The following HTR2A variants were observed in gnomAD, a reference collection of about 807,000 sequenced individuals.
HTR2A encodes the protein 5-hydroxytryptamine receptor 2A.
HTR2A carries 14 observed loss-of-function variants against 31.0 expected under a neutral mutation model. That is an observed-to-expected ratio of 0.45 (90% CI 0.30 to 0.71). The LOEUF is 0.71. HTR2A is among the 30% of genes least tolerant of loss of function. The probability of loss-of-function intolerance (pLI) is 0.09; values close to 1 mark genes in which losing one functional copy is unlikely to be tolerated. For missense variants in HTR2A, 442 were observed against 573.3 expected, an observed-to-expected ratio of 0.77 and a Z score of 2.34; for synonymous variants, 209 against 225.2, an observed-to-expected ratio of 0.93 and a Z score of 0.64.
chr13:46,872,678 G>C (rs1275979939), intron 3 of HTR2A, among the ~76,000 whole-genome samples: 1 of 152,156 alleles, frequency 6.6e-6, no homozygotes, highest in Non-Finnish European at 1.5e-5. Context: ...GTCTCTGTTA[G>C]TTTAATACCT....
chr13:46,864,081 G>A (rs111685345), intron 3 of HTR2A, among the ~76,000 whole-genome samples: 13,076 of 152,148 alleles, frequency 0.086, 832 homozygotes, highest in African/African-American at 0.19. Flanking sequence ...AGAATACTAT[G>A]CAGTCATAAA....
intron 3 of HTR2A, among the ~76,000 whole-genome samples, chr13:46,881,626 C>A (rs1713895675): frequency 6.6e-6 from 1 of 152,210 alleles, no homozygotes; most frequent in African/African-American, 2.4e-5. Flanking sequence ...ACCATATGAT[C>A]TCCCAGAAGT....
rs1876338769 is a variant in HTR2A, at chr13:46,833,874, G to A, written c.*963C>T. On this transcript the variant is annotated 3_prime_UTR_variant, in exon 4 of 4. Transcript: ENST00000542664. ...AAAGTCACCTGCTTTTTACAGAGAT[G>A]TCCTAGGACTCTACCACTGTCAGTA... The A allele has an allele frequency of 6.6e-6, 1 of 152,134 alleles. No homozygotes were observed. The highest frequency in any genetic ancestry group is 2.4e-5 in the African/African-American group (1 of 41,412). 9.4% of individuals were successfully genotyped at this position (152,134 alleles called of 1,614,324 possible).
intron 3 of HTR2A, among the ~76,000 whole-genome samples, chr13:46,875,111 T>C (rs1950897945): frequency 6.6e-6 from 1 of 152,240 alleles, no homozygotes; most frequent in South Asian, 2.1e-4. Flanking sequence ...AAGTTCTTTA[T>C]TAAATGTATA....
At chr13:46,876,995 G>C (rs1295474854) in intron 3 of HTR2A, among the ~76,000 whole-genome samples, 3 of 152,060 alleles carry the variant, frequency 2.0e-5, no homozygotes, top group African/African-American at 7.2e-5. Context: ...AGTCATATAA[G>C]CCAACTTCCC....
At chr13:46,878,093 C>A (rs1449111239) in intron 3 of HTR2A, among the ~76,000 whole-genome samples, 1 of 152,158 alleles carries the variant, frequency 6.6e-6, no homozygotes, top group Non-Finnish European at 1.5e-5. Context: ...GAGTTTCAGT[C>A]AGGAGAGCAA....
intron 3 of HTR2A, among the ~76,000 whole-genome samples, chr13:46,884,595 C>T (rs1236474641): frequency 3.3e-5 from 5 of 152,044 alleles, no homozygotes; most frequent in South Asian, 4.2e-4. Flanking sequence ...ACCTGGGAGG[C>T]GGAGCTCGCA....
intron 3 of HTR2A, among the ~76,000 whole-genome samples, chr13:46,883,905 G>T (rs1950986108): frequency 6.6e-6 from 1 of 152,166 alleles, no homozygotes; most frequent in Non-Finnish European, 1.5e-5. Context: ...CTCAGAATTA[G>T]ATGGAATCCT....
At chr13:46,867,384 G>A (rs1384700884) in intron 3 of HTR2A, among the ~76,000 whole-genome samples, 1 of 152,180 alleles carries the variant, frequency 6.6e-6, no homozygotes, top group Admixed American at 6.5e-5. Context: ...AACTTGACAA[G>A]TTAAAAGCAT....
At chr13:46,846,328 A>G (rs749934106) in intron 3 of HTR2A, among the ~76,000 whole-genome samples, 1 of 152,236 alleles carries the variant, frequency 6.6e-6, no homozygotes, top group Non-Finnish European at 1.5e-5. Flanking sequence ...GCTGGCAATT[A>G]TAGAGAAGAA....
At chr13:46,850,481 C>A (rs1326634719) in intron 3 of HTR2A, among the ~76,000 whole-genome samples, 1 of 152,206 alleles carries the variant, frequency 6.6e-6, no homozygotes, top group African/African-American at 2.4e-5. Flanking sequence ...TGAGCCACAG[C>A]CTGGCTCTGT....
intron 3 of HTR2A, among the ~76,000 whole-genome samples, chr13:46,890,289 G>A (rs891710900): frequency 2.6e-5 from 4 of 152,234 alleles, no homozygotes; most frequent in South Asian, 2.1e-4. Context: ...GTTGCGGTGA[G>A]CCAAGATAGC....
chr13:46,894,470 A>G (rs574923251), intron 2 of HTR2A, among the ~76,000 whole-genome samples: 1 of 152,334 alleles, frequency 6.6e-6, no homozygotes, highest in East Asian at 1.9e-4. Context: ...TGGACTTGGA[A>G]TGAGTGTTAC....
intron 3 of HTR2A, among the ~76,000 whole-genome samples, chr13:46,844,275 G>C (rs1222884782): frequency 1.3e-5 from 2 of 152,188 alleles, no homozygotes; most frequent in East Asian, 3.8e-4. Flanking sequence ...AAATGAGAGA[G>C]AGGAAAATAA....
intron 3 of HTR2A, among the ~76,000 whole-genome samples, chr13:46,855,921 C>T (rs904498441): frequency 6.6e-6 from 1 of 152,152 alleles, no homozygotes; most frequent in Non-Finnish European, 1.5e-5. Context: ...AGCAAATGGT[C>T]TTTCTCCTCT....
intron 3 of HTR2A, among the ~76,000 whole-genome samples, chr13:46,886,060 T>C (rs559197974): frequency 1.3e-5 from 2 of 152,376 alleles, no homozygotes; most frequent in South Asian, 2.1e-4. Flanking sequence ...ATCAAACTTA[T>C]ATAACTGTTT....
chr13:46,864,524 C>T (rs1314752716), intron 3 of HTR2A, among the ~76,000 whole-genome samples: 2 of 152,198 alleles, frequency 1.3e-5, no homozygotes, highest in African/African-American at 4.8e-5. Flanking sequence ...AAGGAGCCAT[C>T]TCTCTGACGT....
At chr13:46,848,661 A>C (rs1329895190) in intron 3 of HTR2A, among the ~76,000 whole-genome samples, 1 of 152,244 alleles carries the variant, frequency 6.6e-6, no homozygotes, top group East Asian at 1.9e-4. Context: ...CTTATACTTA[A>C]TAAATGCACA....
chr13:46,896,561 G>A, intron 1 of HTR2A, 113 bp downstream of exon 1: 2 of 841,134 alleles, frequency 2.4e-6, no homozygotes, highest in Non-Finnish European at 3.5e-6. Flanking sequence ...AAGATTAGCA[G>A]ACAACTTTCC....
Sources: gnomAD v4.1 joint callset for allele counts (sites outside exome capture counted in the v4.1 genomes callset) on GRCh38, gnomAD v4.1.1 for gene constraint, MANE v1.5 for transcripts, NCBI Gene and HGNC (gene_info 2026-07-23, HGNC 2026-07-21) for gene names.